NUDT16L1: variants seen among roughly 807,000 people sequenced by gnomAD.
NUDT16L1 encodes nudix hydrolase 16 like 1, also known as tudor-interacting repair regulator protein.
A neutral mutation model predicts 17.3 loss-of-function variants in NUDT16L1; 19 were observed. That is an observed-to-expected ratio of 1.10 (90% CI 0.77 to 1.61). NUDT16L1 has a LOEUF of 1.61. Among genes scored for constraint, NUDT16L1 ranks in the 40% most tolerant of loss-of-function variants. NUDT16L1 has a pLI of 0.00. For missense variants in NUDT16L1, 341 were observed against 292.0 expected (o/e 1.17, Z -1.22); for synonymous variants, 255 against 138.6 (o/e 1.84, Z -5.90).
exon 2 of NUDT16L1, chr16:4,694,146 G>T (rs756248573): frequency 6.3e-7 from 1 of 1,587,926 alleles, no homozygotes; most frequent in Non-Finnish European, 8.5e-7. Context: ...CCCACACCGC[G>T]TCGTGGCGCA....
chr16:4,695,071 C>T (rs551780091), exon 3 of NUDT16L1: 9 of 1,613,622 alleles, frequency 5.6e-6, no homozygotes, highest in Admixed American at 3.3e-5. Context: ...TCCTCTTTGC[C>T]CTCAAGGTGC....
chr16:4,693,893 A>G lies in NUDT16L1; in HGVS notation c.153+14A>G. The G allele has an allele frequency of 6.7e-7, 1 of 1,492,652 alleles. No individual in the cohort carries two copies. Among genetic ancestry groups the G allele is most frequent in the South Asian group, 1.3e-5 (1 of 78,378 alleles). 92.5% of individuals were successfully genotyped at this position (1,492,652 alleles called of 1,614,324 possible). ...TTCTCGGTGCTGGTGAGGACGGGCG[A>G]GGGCGCGGGCGAGGGTGCCGGCGCG... On this transcript the variant is annotated intron_variant, in intron 1 of 2. Coordinates refer to ENST00000304301, the Ensembl canonical transcript of NUDT16L1.
At chr16:4,694,385 G>A (rs1045003839) in intron 2 of NUDT16L1, 147 bp downstream of exon 2, 12 of 1,454,746 alleles carry the variant, frequency 8.2e-6, no homozygotes, top group East Asian at 2.6e-5. Context: ...GGGGAGAGGG[G>A]TCTGGGGCTG....
exon 2 of NUDT16L1, chr16:4,694,120 C>G: frequency 6.3e-7 from 1 of 1,589,798 alleles, no homozygotes; most frequent in Non-Finnish European, 8.5e-7. Context: ...TACCTGAGCT[C>G]GCACCTGACC....
At chr16:4,694,155 C>T (rs1261964963) in exon 2 of NUDT16L1, 2 of 1,586,264 alleles carry the variant, frequency 1.3e-6, no homozygotes, top group Non-Finnish European at 1.7e-6. Flanking sequence ...CGTCGTGGCG[C>T]ACCTGTACGC....
chr16:4,695,033 G>A (rs1399062852), exon 3 of NUDT16L1: 10 of 1,613,140 alleles, frequency 6.2e-6, no homozygotes, highest in African/African-American at 1.3e-5. Context: ...CCTGAGCAAC[G>A]CCTTCGTGAG....
At chr16:4,693,988 G>C in exon 2 of NUDT16L1, 3 of 1,578,302 alleles carry the variant, frequency 1.9e-6, no homozygotes, top group South Asian at 2.3e-5. Context: ...ATGCAGATGC[G>C]TTTCGACGGG....
chr16:4,694,387 C>G (rs1255247216), intron 2 of NUDT16L1, 149 bp downstream of exon 2: 1 of 952,912 alleles, frequency 1.0e-6, no homozygotes, highest in Admixed American at 2.7e-5. Context: ...GGAGAGGGGT[C>G]TGGGGCTGGG....
At chr16:4,694,768 C>G (rs967809187) in intron 2 of NUDT16L1, 190 bp from the exon 3 acceptor site, 1 of 1,429,760 alleles carries the variant, frequency 7.0e-7, no homozygotes, top group Non-Finnish European at 9.1e-7. Flanking sequence ...TCCACACTTG[C>G]TTGGGGAGGA....
At chr16:4,694,349 G>A in intron 2 of NUDT16L1, 111 bp downstream of exon 2, 1 of 1,484,618 alleles carries the variant, frequency 6.7e-7, no homozygotes. Context: ...GGCTGGGTCG[G>A]GTGTCGCTGT....
chr16:4,695,136 A>C, exon 3 of NUDT16L1: 1 of 1,613,038 alleles, frequency 6.2e-7, no homozygotes, highest in Non-Finnish European at 8.5e-7. Flanking sequence ...GCCACCGAGA[A>C]GCAGAAGAAG....
chr16:4,695,301 GTCA>G, exon 3 of NUDT16L1: 1 of 969,630 alleles, frequency 1.0e-6, no homozygotes, highest in Non-Finnish European at 1.5e-6. Context: ...TGGGCATCCT[GTCA>G]TCATCTCCAC....
exon 2 of NUDT16L1, chr16:4,694,079 C>T: frequency 1.3e-6 from 2 of 1,590,824 alleles, no homozygotes; most frequent in Non-Finnish European, 8.5e-7. Flanking sequence ...TGGGCCTGGG[C>T]CTGGGCTGCC....
intron 2 of NUDT16L1, 167 bp downstream of exon 2, chr16:4,694,405 G>A (rs764109633): frequency 7.6e-6 from 9 of 1,184,586 alleles, no homozygotes; most frequent in African/African-American, 4.8e-5. Context: ...GGGAGGCCGG[G>A]AAAGGAGGGG....
chr16:4,694,499 G>A (rs999678023), intron 2 of NUDT16L1: 2 of 1,518,912 alleles, frequency 1.3e-6, no homozygotes, highest in Non-Finnish European at 8.8e-7. Flanking sequence ...CTGGGAGTGG[G>A]GGAGTGGGAT....
exon 3 of NUDT16L1, chr16:4,695,594 C>G: frequency 4.6e-6 from 2 of 433,518 alleles, no homozygotes; most frequent in Non-Finnish European, 4.1e-6. Context: ...ATTCCTGCCT[C>G]CTTCCTGAGC....
chr16:4,695,205 C>T (rs770129800), exon 3 of NUDT16L1: 3 of 1,604,112 alleles, frequency 1.9e-6, no homozygotes, highest in Non-Finnish European at 2.6e-6. Context: ...GTGGCACCCT[C>T]CCCTGGGCCG....
chr16:4,695,513 G>A, exon 3 of NUDT16L1: 1 of 546,622 alleles, frequency 1.8e-6, no homozygotes, highest in Non-Finnish European at 3.2e-6. Flanking sequence ...TCCCACAGGG[G>A]TGGCGCACAG....
At chr16:4,694,383 G>A (rs973295686) in intron 2 of NUDT16L1, 145 bp downstream of exon 2, 4 of 1,482,912 alleles carry the variant, frequency 2.7e-6, no homozygotes, top group Non-Finnish European at 3.6e-6. Context: ...GTGGGGAGAG[G>A]GGTCTGGGGC....
Sources: allele counts gnomAD v4.1 joint callset, GRCh38; gene constraint gnomAD v4.1.1; transcripts MANE v1.5; gene names NCBI Gene and HGNC (gene_info 2026-07-23, HGNC 2026-07-21).